Variants in ATL2 observed in about 807,000 individuals in gnomAD.
ATL2 encodes the protein atlastin GTPase 2.
Under a neutral mutation model 73.9 loss-of-function variants are expected in ATL2, and 31 were observed. The observed-to-expected ratio is 0.42, with a 90% confidence interval of 0.32 to 0.57. The LOEUF is 0.57. Among genes scored for constraint, ATL2 ranks in the 20% least tolerant of loss-of-function variants. The pLI, the probability that ATL2 is intolerant of heterozygous loss-of-function variation, is 0.14. For synonymous variants in ATL2, 291 were observed against 237.5 expected, an observed-to-expected ratio of 1.23 and a Z score of -2.07; for missense variants, 738 against 702.6, an observed-to-expected ratio of 1.05 and a Z score of -0.57.
chr2:38,345,196 T>G (rs1189557066), intron 1 of ATL2, among the ~76,000 whole-genome samples: 3 of 152,168 alleles, frequency 2.0e-5, no homozygotes, highest in African/African-American at 7.2e-5. Flanking sequence ...AGTGTCAGTT[T>G]CCACTCTAAG....
chr2:38,317,087 A>C (rs1362609346), intron 4 of ATL2, among the ~76,000 whole-genome samples: 1 of 152,100 alleles, frequency 6.6e-6, no homozygotes, highest in Non-Finnish European at 1.5e-5. Flanking sequence ...AGGTACTTCA[A>C]ACTGAGGAAG....
chr2:38,359,819 A>C (rs1362463084), intron 1 of ATL2, among the ~76,000 whole-genome samples: 1 of 152,120 alleles, frequency 6.6e-6, no homozygotes, highest in African/African-American at 2.4e-5. Flanking sequence ...TGAATATGTA[A>C]GTGTACTTAA....
intron 9 of ATL2, among the ~76,000 whole-genome samples, chr2:38,306,953 T>G (rs999010986): frequency 1.2e-4 from 18 of 152,312 alleles, no homozygotes; most frequent in African/African-American, 3.8e-4. Flanking sequence ...GAAAACTGAA[T>G]ATCCATATGC....
chr2:38,354,707 T>G (rs1414751105), intron 1 of ATL2, among the ~76,000 whole-genome samples: 1 of 151,788 alleles, frequency 6.6e-6, no homozygotes, highest in Non-Finnish European at 1.5e-5. Context: ...CTGACCAACA[T>G]GGAGAAACCC....
At chr2:38,353,795 C>T (rs1670495646) in intron 1 of ATL2, among the ~76,000 whole-genome samples, 1 of 152,196 alleles carries the variant, frequency 6.6e-6, no homozygotes, top group South Asian at 2.1e-4. Flanking sequence ...GGCCAGAAGA[C>T]AAGGGATTGA....
rs1428134916 is a variant in ATL2, at chr2:38,298,210, T to C, written c.1566A>G (p.Lys522=). The change falls in exon 12 of 13, where the codon AAA becomes AAG. Residue 522 remains lysine (K), a synonymous_variant. Transcript: ENST00000378954. ...LIFLCTWAYV[K]YSGEFREIGT... The stretch of plus-strand genomic sequence containing the variant: ...CAATTTCTCTGAACTCCCCAGAGTA[T>C]TTAACATATGCCCAAGTACAAAGAA... The C allele has an allele frequency of 1.2e-6, 2 of 1,614,012 alleles. No individual in the cohort carries two copies. The highest frequency in any genetic ancestry group is 2.7e-5 in the African/African-American group (2 of 74,934).
At chr2:38,377,824 C>A (rs1033333492), upstream of ATL2, among the ~76,000 whole-genome samples, 2 of 148,920 alleles carry the variant, frequency 1.3e-5, no homozygotes, top group Non-Finnish European at 3.0e-5. Flanking sequence ...TTGATCTTTT[C>A]TTTCCTCACC....
At chr2:38,343,067 G>C (rs548508579) in intron 2 of ATL2, among the ~76,000 whole-genome samples, 1 of 143,284 alleles carries the variant, frequency 7.0e-6, no homozygotes, top group Non-Finnish European at 1.5e-5. Flanking sequence ...AGGATTGCTT[G>C]AGATTGGGAG....
In ATL2 at chr2:38,318,546, T is replaced by C. The variant is rs1216504180; in HGVS notation, c.592A>G (p.Ser198Gly). 6.2e-7 allele frequency: 1 copy of C among 1,601,196 alleles called. No homozygotes were observed. Among genetic ancestry groups the C allele is most frequent in the Non-Finnish European group, 8.5e-7 (1 of 1,176,006 alleles). The change falls in exon 4 of 13, where the codon AGC becomes GGC. Residue 198 changes from serine to glycine, a missense_variant. Ser to Gly is a moderately conservative substitution (Grantham distance 56). Transcript: ENST00000378954. ...ATCTTGTGTCTCACCTGGACAGAGCTAGTCATAGTGCTCAGAGCAAACACC... is the reference window on the plus strand; with the variant it reads ...ATCTTGTGTCTCACCTGGACAGAGCCAGTCATAGTGCTCAGAGCAAACACC... ...ATVFALSTMT[S>G]SVQVYNLSQN...
chr2:38,360,144 A>G (rs1670923929), intron 1 of ATL2, among the ~76,000 whole-genome samples: 2 of 151,748 alleles, frequency 1.3e-5, no homozygotes, highest in Admixed American at 1.3e-4. Context: ...AAAAAAAAAA[A>G]AAAAAGAATA....
chr2:38,353,225 A>C (rs1670459807), intron 1 of ATL2, among the ~76,000 whole-genome samples: 2 of 152,174 alleles, frequency 1.3e-5, no homozygotes, highest in South Asian at 4.1e-4. Context: ...TTAATAAATA[A>C]ATAGATGAGG....
chr2:38,344,880 G>A (rs1178110488), intron 1 of ATL2, among the ~76,000 whole-genome samples: 4 of 152,050 alleles, frequency 2.6e-5, no homozygotes, highest in Non-Finnish European at 4.4e-5. Flanking sequence ...TATAGCTCCC[G>A]AAAACAGCCA....
chr2:38,312,212 T>C (rs1384578761), intron 7 of ATL2, among the ~76,000 whole-genome samples: 1 of 152,170 alleles, frequency 6.6e-6, no homozygotes, highest in East Asian at 1.9e-4. Context: ...CAAATTGATA[T>C]GGTTTGGCTC....
intron 2 of ATL2, among the ~76,000 whole-genome samples, chr2:38,327,034 G>A (rs921629382): frequency 2.7e-5 from 4 of 150,036 alleles, no homozygotes; most frequent in Non-Finnish European, 5.9e-5. Flanking sequence ...AGGAAATAGG[G>A]TGAAATGTTG....
chr2:38,312,513 A>G (rs1176047328), intron 7 of ATL2, among the ~76,000 whole-genome samples: 2 of 152,106 alleles, frequency 1.3e-5, no homozygotes, highest in African/African-American at 4.8e-5. Flanking sequence ...GTTCAAGACC[A>G]GCCTGGCCAA....
chr2:38,314,798 C>A (rs1170351046), intron 5 of ATL2, 134 bp from the exon 6 acceptor site: 1 of 592,596 alleles, frequency 1.7e-6, no homozygotes, highest in Non-Finnish European at 2.9e-6. Flanking sequence ...AATTTTCTAA[C>A]ACACTAGGTA....
intron 2 of ATL2, among the ~76,000 whole-genome samples, chr2:38,339,997 C>T (rs910012691): frequency 1.3e-5 from 2 of 151,982 alleles, no homozygotes; most frequent in African/African-American, 4.8e-5. Flanking sequence ...TGCCCTCATA[C>T]AGTAGAATAT....
At chr2:38,343,083 G>A (rs1669817502) in intron 2 of ATL2, among the ~76,000 whole-genome samples, 185 bp downstream of exon 2, 1 of 144,932 alleles carries the variant, frequency 6.9e-6, no homozygotes, top group African/African-American at 2.6e-5. Context: ...GGGAGGTTGA[G>A]GCTGCAGTGA....
At chr2:38,319,099 T>C in intron 2 of ATL2, 80 bp from the exon 3 acceptor site, 3 of 1,447,748 alleles carry the variant, frequency 2.1e-6, no homozygotes, top group Non-Finnish European at 2.8e-6. Context: ...TTCTTTATTT[T>C]ACAGATGGGG....
Sources: gnomAD v4.1 joint callset for allele counts (sites outside exome capture counted in the v4.1 genomes callset) on GRCh38, gnomAD v4.1.1 for gene constraint, MANE v1.5 for transcripts, NCBI Gene and HGNC (gene_info 2026-07-23, HGNC 2026-07-21) for gene names.